Variants in SNRPA1 observed in about 807,000 individuals in gnomAD.
SNRPA1 encodes the protein small nuclear ribonucleoprotein polypeptide A'.
SNRPA1 carries 5 observed loss-of-function variants against 32.3 expected under a neutral mutation model. The ratio of observed to expected loss-of-function variants is 0.15; its 90% confidence interval spans 0.08 to 0.33. The LOEUF is 0.33. SNRPA1 is among the 10% of genes least tolerant of loss of function. The probability of loss-of-function intolerance (pLI) is 1.00; values close to 1 mark genes in which losing one functional copy is unlikely to be tolerated. For missense variants in SNRPA1, 198 were observed against 311.1 expected, an observed-to-expected ratio of 0.64 and a Z score of 2.74; for synonymous variants, 111 against 120.1, an observed-to-expected ratio of 0.92 and a Z score of 0.50.
chr15:101,293,482 C>T (rs1338739317), intron 1 of SNRPA1: 1 of 179,008 alleles, frequency 5.6e-6, no homozygotes, highest in Non-Finnish European at 1.2e-5. Flanking sequence ...TCACACTGTC[C>T]TAAGTCGTTT....
At chr15:101,283,567 A>AAAC (rs143497199) in intron 8 of SNRPA1, among the ~76,000 whole-genome samples, 8,259 of 152,092 alleles carry the variant, frequency 0.054, 675 homozygotes, top group African/African-American at 0.17. Flanking sequence ...CTCCGTCTCA[A>AAAC]AACAACAACA....
intron 3 of SNRPA1, 143 bp downstream of exon 3, chr15:101,291,819 C>G: frequency 1.8e-6 from 1 of 559,900 alleles, no homozygotes. Context: ...GCTGCAGAAC[C>G]CAAAAGGCCC....
rs1159139918 is a variant in SNRPA1 at position 101,293,021 on chromosome 15, G to A, written c.230+4C>T. Reference sequence around the variant, plus strand: ...AAAAATTACTTTCCCCTACAGACACGTACCATATTCTGTTGTTGTTCACTA... The same window carrying A: ...AAAAATTACTTTCCCCTACAGACACATACCATATTCTGTTGTTGTTCACTA... On this transcript the variant is annotated splice_donor_region_variant and intron_variant, in intron 2 of 8. Coordinates refer to ENST00000254193, the MANE Select transcript of SNRPA1 (RefSeq NM_003090.4). The A allele has an allele frequency of 2.5e-6, 4 of 1,599,220 alleles. No individual in the cohort carries two copies. The highest frequency in any genetic ancestry group is 1.7e-5 in the Admixed American group (1 of 58,280).
chr15:101,294,595 A>G (rs1210701743), intron 1 of SNRPA1, among the ~76,000 whole-genome samples: 1 of 152,238 alleles, frequency 6.6e-6, no homozygotes, highest in Non-Finnish European at 1.5e-5. Context: ...ACGCCAGACA[A>G]TTAAAGCTAC....
intron 6 of SNRPA1, 104 bp downstream of exon 6, chr15:101,286,110 A>G (rs2039451702): frequency 3.3e-6 from 3 of 896,706 alleles, no homozygotes; most frequent in Non-Finnish European, 3.5e-6. Flanking sequence ...TACCACATTA[A>G]TATGTCAGAG....
intron 7 of SNRPA1, 26 bp downstream of exon 7, chr15:101,285,700 G>A (rs2039447221): frequency 1.3e-6 from 2 of 1,531,418 alleles, no homozygotes; most frequent in Admixed American, 1.7e-5. Context: ...GCTCATTCCA[G>A]TCCAAGAATC....
chr15:101,284,506 C>T (rs1369432582), intron 8 of SNRPA1, among the ~76,000 whole-genome samples: 1 of 112,252 alleles, frequency 8.9e-6, no homozygotes, highest in Non-Finnish European at 1.7e-5. Context: ...TCATGAAATA[C>T]CTTTTTTTTT....
At position 101,291,950 on chromosome 15, in the gene SNRPA1, T is replaced by C. The variant is rs753109081; in HGVS notation, c.309+12A>G. On this transcript the variant is annotated intron_variant, in intron 3 of 8. Transcript: ENST00000254193. Reference sequence around the variant, plus strand: ...CCACCCACCAAATACATTTTCCTTCTGTGCAACTTACCAGTTCCACGAGAC... The same window carrying C: ...CCACCCACCAAATACATTTTCCTTCCGTGCAACTTACCAGTTCCACGAGAC... 74 of 1,583,338 alleles carry C rather than the reference T, an allele frequency of 4.7e-5. 2 individuals are homozygous for C. The highest frequency in any genetic ancestry group is 8.4e-5 in the Admixed American group (5 of 59,518).
intron 1 of SNRPA1, among the ~76,000 whole-genome samples, chr15:101,293,661 C>T (rs2039553432): frequency 6.6e-6 from 1 of 152,174 alleles, no homozygotes; most frequent in Admixed American, 6.5e-5. Flanking sequence ...CGACAGTTCT[C>T]CCTCCCCTCC....
chr15:101,286,611 T>A, intron 5 of SNRPA1: 1 of 458,250 alleles, frequency 2.2e-6, no homozygotes, highest in South Asian at 3.1e-5. Context: ...TAGGTTACAT[T>A]AAGTTCTCCG....
chr15:101,284,781 C>T (rs527281971), intron 8 of SNRPA1, 186 bp downstream of exon 8: 11 of 489,422 alleles, frequency 2.2e-5, no homozygotes, highest in Admixed American at 8.1e-5. Flanking sequence ...GGATTACAGG[C>T]GTGAGCCACT....
At chr15:101,287,936 A>C (rs1301863758) in intron 3 of SNRPA1, 2 of 465,080 alleles carry the variant, frequency 4.3e-6, no homozygotes, top group African/African-American at 3.9e-5. Context: ...GCAGGAGATA[A>C]GAAATTGCTT....
intron 2 of SNRPA1, 148 bp from the exon 3 acceptor site, chr15:101,292,188 T>C: frequency 5.1e-6 from 3 of 591,274 alleles, no homozygotes; most frequent in Admixed American, 6.1e-5. Context: ...AAAGAACCCT[T>C]TTCTGAGGCC....
intron 3 of SNRPA1, 169 bp from the exon 4 acceptor site, chr15:101,287,871 G>A (rs546700596): frequency 3.6e-5 from 22 of 612,670 alleles, no homozygotes; most frequent in South Asian, 1.7e-4. Flanking sequence ...AATTTCTACC[G>A]ATGAATACAT....
chr15:101,281,510 T>C lies in SNRPA1; in HGVS notation c.*214A>G, dbSNP rs2039393489. 3.9e-6 allele frequency: 2 copies of C among 518,134 alleles called. No homozygotes were observed. Among genetic ancestry groups the C allele is most frequent in the Non-Finnish European group, 7.0e-6 (2 of 285,148 alleles). 32.1% of individuals were successfully genotyped at this position (518,134 alleles called of 1,614,324 possible). A position where few individuals can be genotyped will look rare whatever the true frequency, so the allele number is the denominator to read the frequency against. The stretch of plus-strand genomic sequence containing the variant: ...CAAATGCACCATGATGACACACAAC[T>C]TGGTAGCATAGTGAGTGGAGTTTAT... On this transcript the variant is annotated 3_prime_UTR_variant, in exon 9 of 9. Coordinates refer to ENST00000254193, the MANE Select transcript of SNRPA1 (RefSeq NM_003090.4).
In SNRPA1 at chr15:101,287,717, C is replaced by A; in HGVS notation, c.310-15G>T. 1 of 1,613,008 alleles carries A rather than the reference C, an allele frequency of 6.2e-7. No individual in the cohort carries two copies. The highest frequency in any genetic ancestry group is 2.2e-5 in the East Asian group (1 of 44,876). On this transcript the variant is annotated splice_polypyrimidine_tract_variant and intron_variant, in intron 3 of 8. Coordinates refer to ENST00000254193, the MANE Select transcript of SNRPA1 (RefSeq NM_003090.4). ...TCCAGATCACCCTGTCAAGCAATAG[C>A]CACAGGTAAGAACGCGAATACCACA...
intron 3 of SNRPA1, chr15:101,288,322 C>T (rs2039479323): frequency 1.3e-5 from 2 of 149,578 alleles, no homozygotes. Context: ...TCTTGGCTCA[C>T]TGCAAGCTCC....
Position 101,295,087 on chromosome 15 carries a change from C to T in SNRPA1, c.82+10G>A, listed in dbSNP as rs936329699. The T allele has an allele frequency of 1.4e-5, 21 of 1,505,770 alleles. 1 individual carries two copies. Among genetic ancestry groups the T allele is most frequent in the Non-Finnish European group, 1.4e-5 (16 of 1,127,180 alleles). 93.3% of individuals were successfully genotyped at this position (1,505,770 alleles called of 1,614,324 possible). ...GCCTGGGGACTGGCCGCCCACGCCC[C>T]CGGACTCACCCCGGAGGTCCAGCTC... On this transcript the variant is annotated intron_variant, in intron 1 of 8. Coordinates refer to ENST00000254193, the MANE Select transcript of SNRPA1 (RefSeq NM_003090.4).
At position 101,284,795 on chromosome 15, in the gene SNRPA1, C is replaced by T. The variant is rs1001919743; in HGVS notation, c.709+172G>A. The T allele has an allele frequency of 1.1e-4, 61 of 555,298 alleles. No individual in the cohort carries two copies. The Middle Eastern group carries it at 5.8e-3, about 52-fold the overall frequency. 34.4% of individuals were successfully genotyped at this position (555,298 alleles called of 1,614,324 possible). A position where few individuals can be genotyped will look rare whatever the true frequency, so the allele number is the denominator to read the frequency against. On this transcript the variant is annotated intron_variant, in intron 8 of 8. Transcript: ENST00000254193. ...GGGATTACAGGCGTGAGCCACTGCACCCAACCCATCAAATACTTTATCTTC... is the reference window on the plus strand; with the variant it reads ...GGGATTACAGGCGTGAGCCACTGCATCCAACCCATCAAATACTTTATCTTC...
Sources: gnomAD v4.1 joint callset for allele counts (sites outside exome capture counted in the v4.1 genomes callset) on GRCh38, gnomAD v4.1.1 for gene constraint, MANE v1.5 for transcripts, NCBI Gene and HGNC (gene_info 2026-07-23, HGNC 2026-07-21) for gene names.